The following PTPRN2 variants were observed in gnomAD, a reference collection of about 807,000 sequenced individuals.
The protein encoded by PTPRN2 is receptor-type tyrosine-protein phosphatase N2.
In PTPRN2, 74 loss-of-function variants were observed where a neutral mutation model predicts 118.8. That is an observed-to-expected ratio of 0.62 (90% confidence interval 0.52 to 0.76). The LOEUF is 0.76. Among genes scored for constraint, PTPRN2 ranks in the 30% least tolerant of loss-of-function variants. PTPRN2 has a pLI of 0.00. For missense variants in PTPRN2, 1,481 were observed against 1,394.4 expected (o/e 1.06, Z -0.99); for synonymous variants, 641 against 608.0 (o/e 1.05, Z -0.80).
At chr7:158,294,454 G>A (rs1800326015) in intron 3 of PTPRN2, among the ~76,000 whole-genome samples, 1 of 152,154 alleles carries the variant, frequency 6.6e-6, no homozygotes, top group African/African-American at 2.4e-5. Flanking sequence ...GGTTTACTCT[G>A]GCGTCAACTA....
At chr7:158,283,818 G>A (rs954380071) in intron 3 of PTPRN2, among the ~76,000 whole-genome samples, 1 of 152,050 alleles carries the variant, frequency 6.6e-6, no homozygotes, top group Non-Finnish European at 1.5e-5. Context: ...CAGAAATGCA[G>A]AGGGGTGACA....
chr7:158,353,819 C>A (rs1366780596), intron 2 of PTPRN2, among the ~76,000 whole-genome samples: 2 of 152,212 alleles, frequency 1.3e-5, no homozygotes, highest in Non-Finnish European at 2.9e-5. Context: ...AACAGCTTGC[C>A]CTGCTCTTGG....
intron 6 of PTPRN2, among the ~76,000 whole-genome samples, chr7:158,143,956 C>A: frequency 6.6e-6 from 1 of 152,100 alleles, no homozygotes; most frequent in East Asian, 1.9e-4. Flanking sequence ...CCGGAGCTCC[C>A]CAGGACTGCA....
At chr7:157,936,587 C>CT in intron 11 of PTPRN2, among the ~76,000 whole-genome samples, 1 of 143,672 alleles carries the variant, frequency 7.0e-6, no homozygotes, top group Non-Finnish European at 1.6e-5. Context: ...CAGTGCAGGT[C>CT]GGACACCTCC....
intron 12 of PTPRN2, among the ~76,000 whole-genome samples, chr7:157,774,090 C>T (rs564160756): frequency 2.0e-4 from 30 of 152,334 alleles, no homozygotes; most frequent in Non-Finnish European, 2.9e-4. Context: ...ACCCATGACA[C>T]GGACCTACTT....
At chr7:158,001,639 G>A (rs954378837) in intron 11 of PTPRN2, among the ~76,000 whole-genome samples, 1 of 152,058 alleles carries the variant, frequency 6.6e-6, no homozygotes, top group Non-Finnish European at 1.5e-5. Context: ...ATGGTAAAAC[G>A]GCCGAAAACC....
chr7:158,342,789 G>A (rs942939899), intron 2 of PTPRN2, among the ~76,000 whole-genome samples: 1 of 152,164 alleles, frequency 6.6e-6, no homozygotes. Context: ...CTGACACTTA[G>A]CACCCATGAG....
intron 4 of PTPRN2, among the ~76,000 whole-genome samples, chr7:158,202,209 G>T (rs1250902860): frequency 6.6e-6 from 1 of 152,106 alleles, no homozygotes; most frequent in Admixed American, 6.5e-5. Flanking sequence ...AATGGTAAAA[G>T]AAGTTTTCCA....
intron 5 of PTPRN2, among the ~76,000 whole-genome samples, chr7:158,170,521 C>G (rs1470540303): frequency 6.6e-6 from 1 of 152,136 alleles, no homozygotes; most frequent in Non-Finnish European, 1.5e-5. Context: ...GGTTTATGTT[C>G]TGAATCAAAT....
intron 2 of PTPRN2, 83 bp from the exon 3 acceptor site, chr7:158,317,015 C>T (rs1683847422): frequency 1.1e-5 from 11 of 1,025,172 alleles, no homozygotes; most frequent in East Asian, 5.3e-5. Flanking sequence ...CCTTGCAATG[C>T]GTTCTGATCA....
chr7:157,809,008 C>T (rs547736421), intron 12 of PTPRN2, among the ~76,000 whole-genome samples: 17 of 152,326 alleles, frequency 1.1e-4, no homozygotes, highest in African/African-American at 3.6e-4. Flanking sequence ...CAGCACCTCC[C>T]GAAGTGTGCT....
Position 158,026,816 on chromosome 7 carries a change from G to A in PTPRN2, c.1723+54482C>T, listed in dbSNP as rs1007205251. ...TACCGTGACAGGTCAGGTGCAAGGAGGCCCCATCAAGAGGCCTGACCACAC... is the reference window on the plus strand; with the variant it reads ...TACCGTGACAGGTCAGGTGCAAGGAAGCCCCATCAAGAGGCCTGACCACAC... On this transcript the variant is annotated intron_variant, in intron 11 of 22. Coordinates refer to ENST00000389418, the MANE Select transcript of PTPRN2 (RefSeq NM_002847.5). Among the ~76,000 whole-genome samples the A allele has an allele frequency of 5.9e-4, 90 of 152,294 alleles. 1 individual carries two copies. The highest frequency in any genetic ancestry group is 5.9e-5 in the Non-Finnish European group (4 of 68,038).
At chr7:157,827,177 A>G (rs10280129) in intron 12 of PTPRN2, among the ~76,000 whole-genome samples, 13,810 of 152,152 alleles carry the variant, frequency 0.091, 1,051 homozygotes, top group East Asian at 0.21. Flanking sequence ...ACTCCTGTAT[A>G]AACATTGTTT....
At chr7:157,948,887 T>C (rs1200355370) in intron 11 of PTPRN2, among the ~76,000 whole-genome samples, 1 of 152,202 alleles carries the variant, frequency 6.6e-6, no homozygotes, top group Non-Finnish European at 1.5e-5. Flanking sequence ...GGTCCACTTA[T>C]ATGCAGATTT....
chr7:158,441,339 ATCAGTGATGG>A (rs1169797353), intron 2 of PTPRN2, among the ~76,000 whole-genome samples: 3 of 128,678 alleles, frequency 2.3e-5, no homozygotes, highest in African/African-American at 6.3e-5. Flanking sequence ...GGTGATGGTG[ATCAGTGATGG>A]TGGTGATGGT....
rs749880888 is a variant in PTPRN2 at position 157,986,408 on chromosome 7, G to T, written c.1724-87671C>A. The stretch of plus-strand genomic sequence containing the variant: ...AGACACGCAGAAACTGACGCCCAGA[G>T]AGGCAGGGCACCCCGTGTGTGGTCA... On this transcript the variant is annotated intron_variant, in intron 11 of 22. Transcript: ENST00000389418. The surrounding 1 kb of genome is among the most constrained non-coding windows in gnomAD (Gnocchi z 4.5). 7.9e-5 allele frequency among the ~76,000 whole-genome samples: 12 copies of T among 152,190 alleles called. No individual in the cohort carries two copies. Among genetic ancestry groups the T allele is most frequent in the Non-Finnish European group, 1.8e-4 (12 of 68,044 alleles).
At chr7:157,842,508 G>A (rs777404499) in intron 12 of PTPRN2, among the ~76,000 whole-genome samples, 16 of 144,696 alleles carry the variant, frequency 1.1e-4, no homozygotes, top group Admixed American at 2.2e-4. Context: ...TCCACCTCCC[G>A]TATTCAAGTG....
intron 12 of PTPRN2, among the ~76,000 whole-genome samples, chr7:157,858,077 A>AGCTACCACCCACACTCCTGCAGGGAGAG (rs1809873387): frequency 7.0e-5 from 6 of 85,290 alleles, no homozygotes; most frequent in East Asian, 3.9e-4. Context: ...TGCAGGGAGA[A>AGCTACCACCCACACTCCTGCAGGGAGAG]CCCCGTCACC....
rs973488956 is a variant in PTPRN2 at position 157,869,110 on chromosome 7, T to G, written c.1788+29563A>C. Reference sequence around the variant, plus strand: ...GCAAGTCAAATTTCTGATGTTTCCCTGGATGACAAGATGTTTTCTTTATTA... The same window carrying G: ...GCAAGTCAAATTTCTGATGTTTCCCGGGATGACAAGATGTTTTCTTTATTA... On this transcript the variant is annotated intron_variant, in intron 12 of 22. Coordinates refer to ENST00000389418, the MANE Select transcript of PTPRN2 (RefSeq NM_002847.5). The surrounding 1 kb of genome is among the most constrained non-coding windows in gnomAD (Gnocchi z 4.2). 4 of 152,272 alleles carry G rather than the reference T, an allele frequency of 2.6e-5. No individual in the cohort carries two copies. 9.4% of individuals were successfully genotyped at this position (152,272 alleles called of 1,614,324 possible).
Sources: gnomAD v4.1 joint callset for allele counts (sites outside exome capture counted in the v4.1 genomes callset) on GRCh38, gnomAD v4.1.1 for gene constraint, Gnocchi (gnomAD v3.1) non-coding constraint, MANE v1.5 for transcripts, NCBI Gene and HGNC (gene_info 2026-07-23, HGNC 2026-07-21) for gene names.